PTBP3: variants seen among roughly 807,000 people sequenced by gnomAD.
PTBP3 encodes polypyrimidine tract-binding protein 3.
A neutral mutation model predicts 58.7 loss-of-function variants in PTBP3; 20 were observed. That is an observed-to-expected ratio of 0.34 (90% CI 0.24 to 0.50). PTBP3 has a LOEUF of 0.50. Among genes scored for constraint, PTBP3 ranks in the 20% least tolerant of loss-of-function variants. The pLI, the probability that PTBP3 is intolerant of heterozygous loss-of-function variation, is 0.98. For missense variants in PTBP3, 509 were observed against 637.2 expected (o/e 0.80, Z 2.17); for synonymous variants, 185 against 219.8 (o/e 0.84, Z 1.40).
rs146385572 is a variant in PTBP3, at chr9:112,240,349, G to A, written c.803-5452C>T. On this transcript the variant is annotated intron_variant, in intron 7 of 13. Transcript: ENST00000374257. ...GTTTTGATATACTGTCATGTGCAGC[G>A]GAGCGGTCAATGATCCACATATACA... Among the ~76,000 whole-genome samples, 274 of 152,072 alleles carry A rather than the reference G, an allele frequency of 1.8e-3. 2 individuals are homozygous for A. Among genetic ancestry groups the A allele is most frequent in the African/African-American group, 6.1e-3 (252 of 41,502 alleles).
chr9:112,231,354 TA>T, intron 10 of PTBP3, 25 bp downstream of exon 10: 3 of 1,556,394 alleles, frequency 1.9e-6, no homozygotes, highest in Non-Finnish European at 2.6e-6. Context: ...CTGTAGACAA[TA>T]ATAAAATAGC....
rs768681868 is a variant in PTBP3, at chr9:112,268,230, A to G, written c.205-35T>C. ...ACACAAGAAGGTAAAGTTAAAGCTC[A>G]TCTTTTTGAAAGACAGTTAAGATAT... On this transcript the variant is annotated intron_variant, in intron 3 of 13. Coordinates refer to ENST00000374257, the MANE Select transcript of PTBP3 (RefSeq NM_001163788.4). 7.0e-6 allele frequency: 11 copies of G among 1,579,268 alleles called. No individual in the cohort carries two copies. The Admixed American group carries it at 2.1e-4, about 30-fold the overall frequency.
At chr9:112,351,288 T>G in the PTBP3 span, among the ~76,000 whole-genome samples, 3 of 152,230 alleles carry the variant, frequency 2.0e-5, no homozygotes, top group African/African-American at 7.2e-5. Flanking sequence ...TGCTCAAGTA[T>G]TTTATGGAAT....
chr9:112,220,247 GC>G lies in PTBP3; in HGVS notation c.*3603del. On this transcript the variant is annotated 3_prime_UTR_variant, in exon 14 of 14. Coordinates refer to ENST00000374257, the MANE Select transcript of PTBP3 (RefSeq NM_001163788.4). The stretch of plus-strand genomic sequence containing the variant: ...ACAATATGCTAAACATGTAAGCACT[GC>G]TGACTGATGGCACGGAGACACTGAA... The G allele has an allele frequency of 7.4e-7, 1 of 1,345,596 alleles. No homozygotes were observed. The highest frequency in any genetic ancestry group is 1.2e-5 in the South Asian group (1 of 86,346). 83.4% of individuals were successfully genotyped at this position (1,345,596 alleles called of 1,614,324 possible).
In PTBP3 at chr9:112,221,757, T is replaced by C; in HGVS notation, c.*2094A>G. ...TATCCCTCCTTTCTATTCTACCAAC[T>C]AAGTGTTGCTCAGTGGTGAGTGAAT... On this transcript the variant is annotated 3_prime_UTR_variant, in exon 14 of 14. Coordinates refer to ENST00000374257, the MANE Select transcript of PTBP3 (RefSeq NM_001163788.4). 6 of 985,246 alleles carry C rather than the reference T, an allele frequency of 6.1e-6. No homozygotes were observed. The South Asian group carries it at 2.8e-4, about 46-fold the overall frequency. The allele number at this position is 985,246 out of a possible 1,614,324, so 61.0% of individuals were successfully genotyped here.
At chr9:112,305,048 T>C (rs1829116532) in intron 1 of PTBP3, among the ~76,000 whole-genome samples, 1 of 152,074 alleles carries the variant, frequency 6.6e-6, no homozygotes, top group Non-Finnish European at 1.5e-5. Flanking sequence ...TAACTTCGAG[T>C]TACTACTGCA....
the PTBP3 span, among the ~76,000 whole-genome samples, chr9:112,369,454 G>A: frequency 2.0e-5 from 3 of 152,218 alleles, no homozygotes; most frequent in African/African-American, 7.2e-5. Context: ...AGATTATTTT[G>A]CAGCTTTAAG....
chr9:112,306,031 G>A (rs558425795), intron 1 of PTBP3, among the ~76,000 whole-genome samples: 6 of 152,114 alleles, frequency 3.9e-5, no homozygotes, highest in Non-Finnish European at 2.9e-5. Context: ...GGGTAGCTTC[G>A]GGAATCCCCT....
In PTBP3 at chr9:112,232,181, G is replaced by C. The variant is rs751570687; in HGVS notation, c.938C>G (p.Ala313Gly). The change falls in exon 9 of 14, where the codon GCT becomes GGT. Residue 313 changes from alanine (A) to glycine (G), a missense_variant. Physicochemically the swap from Ala to Gly is moderately conservative, Grantham distance 60 (BLOSUM62 0). Transcript: ENST00000374257. ...AGGAATGGCCATCCTTCCAGTGACA[G>C]CAGAAGAGGTGATTGTGAGAGGACC... ...ALGPLTITSS[A>G]VTGRMAIPGA... The C allele has an allele frequency of 6.2e-7, 1 of 1,612,076 alleles. No homozygotes were observed. The highest frequency in any genetic ancestry group is 1.7e-5 in the Admixed American group (1 of 59,968).
the PTBP3 span, among the ~76,000 whole-genome samples, chr9:112,371,013 T>C: frequency 0.15 from 23,303 of 152,090 alleles, 2,210 homozygotes; most frequent in East Asian, 0.24. Flanking sequence ...TAGTAGTTTT[T>C]TTTTGTGGAT....
At chr9:112,357,754 CT>C in the PTBP3 span, among the ~76,000 whole-genome samples, 1 of 151,860 alleles carries the variant, frequency 6.6e-6, no homozygotes, top group Non-Finnish European at 1.5e-5. Context: ...GCTTCTTAGA[CT>C]TTCTTTCTAT....
intron 1 of PTBP3, among the ~76,000 whole-genome samples, chr9:112,320,314 A>ATATATATATAT: frequency 1.3e-4 from 10 of 75,690 alleles, no homozygotes; most frequent in East Asian, 1.2e-3. Flanking sequence ...ATATATATAT[A>ATATATATATAT]TTTTTTTTTA....
intron 7 of PTBP3, among the ~76,000 whole-genome samples, chr9:112,239,865 G>C (rs1156679597): frequency 3.6e-5 from 4 of 111,712 alleles, no homozygotes; most frequent in Non-Finnish European, 7.6e-5. Context: ...GAGGGAGGGA[G>C]GGAGGGAGGG....
chr9:112,221,356 C>T lies in PTBP3; in HGVS notation c.*2495G>A. Reference sequence around the variant, plus strand: ...AATGTTCTCTCTCAGACTTAAAAGGCCATTCCCTACTTCAAAGTTACATTC... The same window carrying T: ...AATGTTCTCTCTCAGACTTAAAAGGTCATTCCCTACTTCAAAGTTACATTC... On this transcript the variant is annotated 3_prime_UTR_variant, in exon 14 of 14. Transcript: ENST00000374257. 1.0e-6 allele frequency: 1 copy of T among 985,778 alleles called. No individual in the cohort carries two copies. The highest frequency in any genetic ancestry group is 1.2e-6 in the Non-Finnish European group (1 of 829,918). The allele number at this position is 985,778 out of a possible 1,614,324, so 61.1% of individuals were successfully genotyped here. A position where few individuals can be genotyped will look rare whatever the true frequency, so the allele number is the denominator to read the frequency against.
chr9:112,283,910 G>A (rs1238745904), intron 2 of PTBP3, among the ~76,000 whole-genome samples: 1 of 152,206 alleles, frequency 6.6e-6, no homozygotes, highest in African/African-American at 2.4e-5. Context: ...TGCTTCAGAG[G>A]GTGCAAGCCC....
At chr9:112,261,689 T>A (rs1173737228) in intron 5 of PTBP3, among the ~76,000 whole-genome samples, 1 of 152,228 alleles carries the variant, frequency 6.6e-6, no homozygotes. Flanking sequence ...ATACACAGAT[T>A]ACCAGATAAC....
the PTBP3 span, among the ~76,000 whole-genome samples, chr9:112,356,516 C>T: frequency 8.3e-3 from 1,247 of 149,356 alleles, 17 homozygotes; most frequent in African/African-American, 0.029. Context: ...TTCTCTTATG[C>T]AATAATTCCA....
At chr9:112,340,111 T>G in the PTBP3 span, among the ~76,000 whole-genome samples, 3 of 152,148 alleles carry the variant, frequency 2.0e-5, no homozygotes, top group Non-Finnish European at 4.4e-5. Flanking sequence ...ACTGTAGGCA[T>G]GTTCCACCAC....
chr9:112,238,087 G>A (rs1417572520), intron 7 of PTBP3, among the ~76,000 whole-genome samples: 3 of 151,916 alleles, frequency 2.0e-5, no homozygotes, highest in Non-Finnish European at 4.4e-5. Flanking sequence ...CAAGTAAAGT[G>A]AATAACTCAT....
Sources: allele counts gnomAD v4.1 joint callset (sites outside exome capture counted in the v4.1 genomes callset), GRCh38; gene constraint gnomAD v4.1.1; transcripts MANE v1.5; gene names NCBI Gene and HGNC (gene_info 2026-07-23, HGNC 2026-07-21).